The following CDK6 variants were observed in gnomAD, a reference collection of about 807,000 sequenced individuals.
CDK6 encodes the protein cyclin-dependent kinase 6.
In CDK6, 6 loss-of-function variants were observed where a neutral mutation model predicts 37.1. The ratio of observed to expected loss-of-function variants is 0.16; its 90% CI spans 0.09 to 0.32. CDK6 has a LOEUF of 0.32. Among genes scored for constraint, CDK6 ranks in the 10% least tolerant of loss-of-function variants. CDK6 has a pLI of 1.00. For synonymous variants in CDK6, 160 were observed against 161.3 expected (o/e 0.99, Z 0.06); for missense variants, 224 against 418.9 (o/e 0.53, Z 4.06).
chr7:92,613,629 G>C lies in CDK6; in HGVS notation c.*1511C>G, dbSNP rs1338034605. Reference sequence around the variant, plus strand: ...GCACTAGAAATAAGCACAGCCTGGGGGATGGAGAAAAGATCATTTGATAGA... The same window carrying C: ...GCACTAGAAATAAGCACAGCCTGGGCGATGGAGAAAAGATCATTTGATAGA... On this transcript the variant is annotated 3_prime_UTR_variant, in exon 8 of 8. Transcript: ENST00000424848. The C allele has an allele frequency of 2.6e-5, 6 of 233,152 alleles. No individual in the cohort carries two copies. The highest frequency in any genetic ancestry group is 5.1e-5 in the Non-Finnish European group (6 of 118,028). 14.4% of individuals were successfully genotyped at this position (233,152 alleles called of 1,614,324 possible).
chr7:92,671,532 C>T lies in CDK6; in HGVS notation c.541G>A (p.Val181Ile), dbSNP rs766767871. Residue 181 changes from valine to isoleucine, a missense_variant, in exon 5 of 8, where the codon GTC becomes ATC. Transcript: ENST00000424848. ...TCGGGTGCTCTGTACCACAGCGTGA[C>T]GACCTGCAATGGCAAGCGGATCCAA... ...SFQMALTSVV[V>I]TLWYRAPEVL... The T allele has an allele frequency of 5.2e-6, 8 of 1,550,374 alleles. No homozygotes were observed. The highest frequency in any genetic ancestry group is 2.0e-5 in the Admixed American group (1 of 51,254).
At chr7:92,814,310 C>T (rs1247589157) in intron 2 of CDK6, among the ~76,000 whole-genome samples, 1 of 152,126 alleles carries the variant, frequency 6.6e-6, no homozygotes, top group African/African-American at 2.4e-5. Context: ...ATACTGTCCT[C>T]TAAATTAAGG....
rs1164658377 is a variant in CDK6, at chr7:92,607,006, A to C, written c.*8134T>G. 4.3e-6 allele frequency: 1 copy of C among 233,102 alleles called. No individual in the cohort carries two copies. The highest frequency in any genetic ancestry group is 2.2e-5 in the African/African-American group (1 of 45,346). 14.4% of individuals were successfully genotyped at this position (233,102 alleles called of 1,614,324 possible). A position where few individuals can be genotyped will look rare whatever the true frequency, so the allele number is the denominator to read the frequency against. ...TTAAAATCCCTTTTATTTTATAATA[A>C]ATTATACAGGCAATCCTTGCTTTTT... is the stretch of plus-strand genomic sequence containing the variant. On this transcript the variant is annotated 3_prime_UTR_variant, in exon 8 of 8. Transcript: ENST00000424848.
At chr7:92,638,794 T>C (rs532390522) in intron 5 of CDK6, among the ~76,000 whole-genome samples, 3 of 152,356 alleles carry the variant, frequency 2.0e-5, no homozygotes, top group African/African-American at 7.2e-5. Flanking sequence ...GAGTTAAACA[T>C]TGGATGCCAA....
chr7:92,694,283 A>G (rs1797660330), intron 4 of CDK6, among the ~76,000 whole-genome samples: 1 of 152,210 alleles, frequency 6.6e-6, no homozygotes, highest in Non-Finnish European at 1.5e-5. Flanking sequence ...TTTCTCAACT[A>G]CAAAATCAAG....
intron 5 of CDK6, among the ~76,000 whole-genome samples, chr7:92,641,452 C>G (rs545723119): frequency 6.6e-6 from 1 of 152,252 alleles, no homozygotes; most frequent in South Asian, 2.1e-4. Context: ...TCCAGTGGCT[C>G]CTTCAAGCTA....
intron 3 of CDK6, among the ~76,000 whole-genome samples, chr7:92,773,732 T>A (rs1242821685): frequency 6.6e-6 from 1 of 152,148 alleles, no homozygotes; most frequent in East Asian, 1.9e-4. Context: ...AAGGAATAAA[T>A]CATTCAGTAT....
intron 5 of CDK6, among the ~76,000 whole-genome samples, chr7:92,628,827 T>C (rs1330030471): frequency 6.6e-6 from 1 of 152,000 alleles, no homozygotes; most frequent in African/African-American, 2.4e-5. Context: ...TTCTCCTATA[T>C]CCAAAACCTT....
chr7:92,757,771 AAC>A (rs1799351641), intron 3 of CDK6, among the ~76,000 whole-genome samples: 1 of 152,172 alleles, frequency 6.6e-6, no homozygotes, highest in African/African-American at 2.4e-5. Context: ...CACTCCCACC[AAC>A]AGTGTATAGT....
chr7:92,701,878 A>C (rs1382331009), intron 4 of CDK6: 1 of 152,284 alleles, frequency 6.6e-6, no homozygotes, highest in Non-Finnish European at 1.5e-5. Flanking sequence ...CAATATTTTG[A>C]TTAATAAACG....
At chr7:92,768,273 G>T (rs933022412) in intron 3 of CDK6, among the ~76,000 whole-genome samples, 2 of 152,148 alleles carry the variant, frequency 1.3e-5, no homozygotes, top group African/African-American at 2.4e-5. Flanking sequence ...AACCACGTTC[G>T]CAAGTTAAAA....
intron 4 of CDK6, among the ~76,000 whole-genome samples, chr7:92,684,536 G>T (rs930059021): frequency 1.7e-4 from 26 of 152,230 alleles, no homozygotes; most frequent in African/African-American, 6.0e-4. Context: ...CGGGCACTGT[G>T]TGCACAGGCA....
chr7:92,790,312 C>T (rs1800250373), intron 2 of CDK6, among the ~76,000 whole-genome samples: 1 of 152,274 alleles, frequency 6.6e-6, no homozygotes, highest in African/African-American at 2.4e-5. Flanking sequence ...TCCACTGCCA[C>T]TTCCCTGAGC....
At chr7:92,634,696 T>C (rs1292927012) in intron 5 of CDK6, among the ~76,000 whole-genome samples, 1 of 152,206 alleles carries the variant, frequency 6.6e-6, no homozygotes, top group Non-Finnish European at 1.5e-5. Flanking sequence ...TCTAGGAAAG[T>C]CATTTTTATG....
At chr7:92,683,388 C>G (rs1230162781) in intron 4 of CDK6, among the ~76,000 whole-genome samples, 1 of 152,188 alleles carries the variant, frequency 6.6e-6, no homozygotes, top group Non-Finnish European at 1.5e-5. Context: ...TAAATGAGTA[C>G]TAGCAGGTTA....
intron 2 of CDK6, among the ~76,000 whole-genome samples, chr7:92,814,084 G>A (rs534351379): frequency 6.6e-6 from 1 of 152,180 alleles, no homozygotes; most frequent in South Asian, 2.1e-4. Context: ...TTTTCAGTTT[G>A]TTTCCCTTAA....
intron 4 of CDK6, among the ~76,000 whole-genome samples, chr7:92,681,286 G>A (rs148885571): frequency 2.6e-5 from 4 of 152,272 alleles, no homozygotes; most frequent in African/African-American, 9.6e-5. Context: ...CAAGTAGAGA[G>A]GAAAGGCATC....
intron 3 of CDK6, among the ~76,000 whole-genome samples, chr7:92,768,336 C>T (rs545249364): frequency 6.6e-6 from 1 of 152,258 alleles, no homozygotes; most frequent in East Asian, 1.9e-4. Flanking sequence ...AGTCAAATTG[C>T]TGTAGGTTAA....
intron 2 of CDK6, among the ~76,000 whole-genome samples, chr7:92,825,460 G>GCACACA (rs147959837): frequency 1.2e-4 from 18 of 148,506 alleles, no homozygotes; most frequent in Non-Finnish European, 2.1e-4. Flanking sequence ...GCACATGCGT[G>GCACACA]CACACACACA....
Sources: gnomAD v4.1 joint callset for allele counts (sites outside exome capture counted in the v4.1 genomes callset) on GRCh38, gnomAD v4.1.1 for gene constraint, MANE v1.5 for transcripts, NCBI Gene and HGNC (gene_info 2026-07-23, HGNC 2026-07-21) for gene names.